The following LRBA variants were observed in gnomAD, a reference collection of about 807,000 sequenced individuals.
LRBA encodes the protein LPS responsive beige-like anchor protein, also known as lipopolysaccharide-responsive and beige-like anchor protein.
In LRBA, 176 loss-of-function variants were observed where a neutral mutation model predicts 330.0. The observed-to-expected ratio is 0.53, with a 90% CI of 0.47 to 0.60. The LOEUF (loss-of-function observed/expected upper bound fraction) is 0.60, where lower values mean the gene tolerates loss of function less well. Ranked by LOEUF, LRBA falls within the 20% of genes least tolerant of loss-of-function variation. The pLI, the probability that LRBA is intolerant of heterozygous loss-of-function variation, is 0.00. For missense variants in LRBA, 3,259 were observed against 3,444.8 expected, an observed-to-expected ratio of 0.95 and a Z score of 1.35; for synonymous variants, 1,230 against 1,193.0, an observed-to-expected ratio of 1.03 and a Z score of -0.64.
intron 34 of LRBA, among the ~76,000 whole-genome samples, chr4:150,793,100 A>G (rs2126650446): frequency 6.6e-6 from 1 of 151,970 alleles, no homozygotes; most frequent in South Asian, 2.1e-4. Flanking sequence ...AAAAAAAGAA[A>G]GAGGTCCAGG....
intron 42 of LRBA, among the ~76,000 whole-genome samples, chr4:150,473,067 C>T (rs1249503270): frequency 6.6e-6 from 1 of 152,130 alleles, no homozygotes; most frequent in African/African-American, 2.4e-5. Flanking sequence ...AATTGTTTTC[C>T]AAGGTGGCTA....
At chr4:150,400,460 T>C (rs1745314192) in intron 47 of LRBA, among the ~76,000 whole-genome samples, 1 of 152,144 alleles carries the variant, frequency 6.6e-6, no homozygotes, top group Admixed American at 6.6e-5. Context: ...TGAGTCAGAA[T>C]CCATTATATA....
chr4:150,982,161 T>C (rs1424513618), intron 2 of LRBA, among the ~76,000 whole-genome samples: 2 of 152,112 alleles, frequency 1.3e-5, no homozygotes, highest in Non-Finnish European at 2.9e-5. Flanking sequence ...ACACACTAGA[T>C]TAAGGCTACT....
chr4:150,832,055 C>T (rs1747282355), intron 28 of LRBA, 79 bp from the exon 29 acceptor site: 2 of 815,456 alleles, frequency 2.5e-6, no homozygotes, highest in South Asian at 3.4e-5. Flanking sequence ...TGTTTAAATA[C>T]AAAACATGTT....
At chr4:150,452,558 G>T (rs1301295767) in intron 44 of LRBA, among the ~76,000 whole-genome samples, 1 of 150,626 alleles carries the variant, frequency 6.6e-6, no homozygotes, top group Admixed American at 6.6e-5. Flanking sequence ...GGAGGCAGAG[G>T]TTGCAGTGAG....
intron 37 of LRBA, among the ~76,000 whole-genome samples, chr4:150,666,055 G>C (rs35126321): frequency 1.1e-4 from 17 of 152,088 alleles, no homozygotes; most frequent in Non-Finnish European, 2.2e-4. Flanking sequence ...TGACTGCCTA[G>C]GGGCAGGGAG....
At chr4:150,823,112 C>T (rs189352492) in intron 30 of LRBA, among the ~76,000 whole-genome samples, 2 of 152,218 alleles carry the variant, frequency 1.3e-5, no homozygotes, top group African/African-American at 2.4e-5. Context: ...TGGATATAAG[C>T]GATTTTAACT....
intron 47 of LRBA, among the ~76,000 whole-genome samples, chr4:150,368,333 T>A (rs1284491036): frequency 6.6e-6 from 1 of 152,124 alleles, no homozygotes; most frequent in Non-Finnish European, 1.5e-5. Context: ...AAAAAAATAC[T>A]ATAAAGCAAA....
chr4:150,496,106 CT>C (rs1344425340), intron 40 of LRBA, among the ~76,000 whole-genome samples: 1 of 151,986 alleles, frequency 6.6e-6, no homozygotes, highest in Non-Finnish European at 1.5e-5. Flanking sequence ...TCAAACCTAT[CT>C]TTTTTAAAAG....
intron 44 of LRBA, among the ~76,000 whole-genome samples, chr4:150,462,427 T>G (rs1402131102): frequency 1.3e-5 from 2 of 151,798 alleles, no homozygotes; most frequent in Non-Finnish European, 3.0e-5. Context: ...TAATTTGGAA[T>G]GATTATAAAG....
chr4:150,759,114 C>T (rs1324602040), intron 35 of LRBA, among the ~76,000 whole-genome samples: 2 of 152,108 alleles, frequency 1.3e-5, no homozygotes, highest in Non-Finnish European at 2.9e-5. Flanking sequence ...CAGAGTTTCA[C>T]CATGTTGCCC....
At chr4:150,684,121 G>T (rs931300140) in intron 36 of LRBA, among the ~76,000 whole-genome samples, 42 of 152,316 alleles carry the variant, frequency 2.8e-4, no homozygotes, top group Middle Eastern at 6.8e-3. Flanking sequence ...TTATGGTAAG[G>T]AGTTTAGATT....
At chr4:150,663,455 A>G (rs576646154) in intron 37 of LRBA, among the ~76,000 whole-genome samples, 16 of 152,120 alleles carry the variant, frequency 1.1e-4, no homozygotes, top group Non-Finnish European at 2.2e-4. Context: ...ATATAAAAAT[A>G]CCAGACTTAT....
chr4:150,553,072 A>AAAAAAAAG (rs1413823137), intron 40 of LRBA, among the ~76,000 whole-genome samples: 3 of 151,984 alleles, frequency 2.0e-5, no homozygotes, highest in Non-Finnish European at 4.4e-5. Flanking sequence ...CTGTCTCAAA[A>AAAAAAAAG]AAAAAAAGAA....
chr4:151,010,556 T>A (rs994469784), intron 2 of LRBA, among the ~76,000 whole-genome samples: 13 of 151,848 alleles, frequency 8.6e-5, no homozygotes, highest in Admixed American at 3.9e-4. Flanking sequence ...AAGGTCAAGC[T>A]ACATTAGCAA....
At chr4:150,629,894 C>G (rs941243907) in intron 37 of LRBA, among the ~76,000 whole-genome samples, 1 of 152,124 alleles carries the variant, frequency 6.6e-6, no homozygotes, top group East Asian at 1.9e-4. Flanking sequence ...TCACTTGAAC[C>G]CTGGAGGCGG....
intron 53 of LRBA, among the ~76,000 whole-genome samples, chr4:150,289,002 G>T (rs1580908865): frequency 6.6e-6 from 1 of 152,208 alleles, no homozygotes; most frequent in East Asian, 1.9e-4. Flanking sequence ...GAACATCAAT[G>T]CTAACTTTTT....
At chr4:151,007,613 T>G (rs1744242066) in intron 2 of LRBA, among the ~76,000 whole-genome samples, 1 of 150,636 alleles carries the variant, frequency 6.6e-6, no homozygotes, top group African/African-American at 2.4e-5. Flanking sequence ...ATCCCTGCAC[T>G]TTGAGAGGCC....
intron 48 of LRBA, among the ~76,000 whole-genome samples, chr4:150,330,815 G>A (rs1733900619): frequency 6.6e-6 from 1 of 152,096 alleles, no homozygotes; most frequent in Admixed American, 6.6e-5. Context: ...CTTGCACATA[G>A]TATTTAGACA....
Sources: gnomAD v4.1 joint callset for allele counts (sites outside exome capture counted in the v4.1 genomes callset) on GRCh38, gnomAD v4.1.1 for gene constraint, MANE v1.5 for transcripts, NCBI Gene and HGNC (gene_info 2026-07-23, HGNC 2026-07-21) for gene names.